The following MTX2 variants were observed in gnomAD, a reference collection of about 807,000 sequenced individuals.
MTX2 encodes the protein metaxin-2.
Under a neutral mutation model 42.3 loss-of-function variants are expected in MTX2, and 35 were observed. The ratio of observed to expected loss-of-function variants is 0.83; its 90% CI spans 0.63 to 1.10. The LOEUF is 1.10. MTX2 is among the 50% of genes least tolerant of loss of function. MTX2 has a pLI of 0.00. For missense variants in MTX2, 307 were observed against 304.1 expected, an observed-to-expected ratio of 1.01 and a Z score of -0.07; for synonymous variants, 119 against 100.9, an observed-to-expected ratio of 1.18 and a Z score of -1.08.
At chr2:176,288,302 C>A (rs1693252844) in intron 1 of MTX2, among the ~76,000 whole-genome samples, 1 of 151,912 alleles carries the variant, frequency 6.6e-6, no homozygotes, top group Non-Finnish European at 1.5e-5. Context: ...TCATATATTG[C>A]CTAAAACTTG....
intron 3 of MTX2, among the ~76,000 whole-genome samples, chr2:176,322,957 A>G (rs1404360215): frequency 6.6e-6 from 1 of 151,896 alleles, no homozygotes; most frequent in Non-Finnish European, 1.5e-5. Flanking sequence ...GGTAGCAGAG[A>G]TAGTATTTTG....
intron 1 of MTX2, among the ~76,000 whole-genome samples, chr2:176,271,021 A>G (rs1311929623): frequency 6.6e-6 from 1 of 151,972 alleles, no homozygotes; most frequent in Non-Finnish European, 1.5e-5. Flanking sequence ...CACTGTGTGC[A>G]TGTGTCCTAA....
intron 4 of MTX2, among the ~76,000 whole-genome samples, chr2:176,324,966 G>C (rs544182380): frequency 6.6e-5 from 10 of 151,762 alleles, no homozygotes; most frequent in Middle Eastern, 3.4e-3. Flanking sequence ...TTTTAAAGCA[G>C]AGAGCATGGA....
chr2:176,296,570 G>T (rs188998299), intron 1 of MTX2, among the ~76,000 whole-genome samples: 144 of 152,128 alleles, frequency 9.5e-4, no homozygotes, highest in African/African-American at 3.1e-3. Flanking sequence ...TAGCATATGA[G>T]CTATTTTGTT....
At chr2:176,271,067 C>T (rs1300958594) in intron 1 of MTX2, among the ~76,000 whole-genome samples, 1 of 152,012 alleles carries the variant, frequency 6.6e-6, no homozygotes, top group Non-Finnish European at 1.5e-5. Flanking sequence ...TGATGAATGT[C>T]TTTTAATAAA....
rs537898148 is a variant in MTX2 at position 176,271,360 on chromosome 2, C to T, written c.40+1691C>T. Among the ~76,000 whole-genome samples the T allele has an allele frequency of 2.6e-5, 4 of 152,184 alleles. No homozygotes were observed. The South Asian group carries it at 8.3e-4, about 32-fold the overall frequency. ...GATAGCAGAAGAGGCCTAAGCAAAA[C>T]TTAAGAATTCATAATCCATAAGAGA... On this transcript the variant is annotated intron_variant, in intron 1 of 9. Coordinates refer to ENST00000249442, the MANE Select transcript of MTX2 (RefSeq NM_006554.5).
chr2:176,281,619 G>A (rs1031614661), intron 1 of MTX2, among the ~76,000 whole-genome samples: 3 of 152,142 alleles, frequency 2.0e-5, no homozygotes, highest in African/African-American at 7.2e-5. Flanking sequence ...AGATTCAAGG[G>A]AAGGGGAATT....
intron 5 of MTX2, among the ~76,000 whole-genome samples, chr2:176,327,472 A>G (rs2105443457): frequency 6.6e-6 from 1 of 150,838 alleles, no homozygotes; most frequent in African/African-American, 2.4e-5. Context: ...ATATGTTTGG[A>G]AATTCTTCCA....
At chr2:176,311,558 C>T (rs982996686) in intron 3 of MTX2, among the ~76,000 whole-genome samples, 2 of 152,158 alleles carry the variant, frequency 1.3e-5, no homozygotes, top group African/African-American at 4.8e-5. Context: ...TGGGCTCCGC[C>T]CAGTTTGAGC....
intron 1 of MTX2, chr2:176,270,333 C>G (rs769127024): frequency 7.4e-7 from 1 of 1,350,060 alleles, no homozygotes; most frequent in Admixed American, 2.0e-5. Context: ...ACCACGCCCG[C>G]GCGGATTCAT....
intron 3 of MTX2, among the ~76,000 whole-genome samples, chr2:176,319,071 A>G (rs756610242): frequency 1.8e-4 from 28 of 152,220 alleles, no homozygotes; most frequent in Non-Finnish European, 3.5e-4. Flanking sequence ...TTATGTTGTT[A>G]TTCATTTAAA....
intron 3 of MTX2, among the ~76,000 whole-genome samples, chr2:176,298,501 G>T (rs1359903469): frequency 2.6e-5 from 4 of 152,050 alleles, no homozygotes; most frequent in South Asian, 2.1e-4. Context: ...ACTTTAAGCT[G>T]CATTATAGGA....
At position 176,330,382 on chromosome 2, in the gene MTX2, T is replaced by C. The variant is rs190474891; in HGVS notation, c.544-202T>C. ...AAGTATTTCTTATAAGTATTTCTTA[T>C]ATAGAAAGTATTTCTTATAAGTATT... On this transcript the variant is annotated intron_variant, in intron 8 of 9. Coordinates refer to ENST00000249442, the MANE Select transcript of MTX2 (RefSeq NM_006554.5). 6.0e-4 allele frequency among the ~76,000 whole-genome samples: 90 copies of C among 149,734 alleles called. 2 individuals are homozygous for C. The highest frequency in any genetic ancestry group is 4.8e-3 in the Admixed American group (72 of 14,946).
intron 1 of MTX2, among the ~76,000 whole-genome samples, chr2:176,292,010 C>T (rs1013309753): frequency 1.7e-4 from 26 of 152,266 alleles, no homozygotes; most frequent in African/African-American, 5.5e-4. Flanking sequence ...ATTCCAAGAA[C>T]CACACATAAC....
At chr2:176,328,966 T>TG in intron 7 of MTX2, 54 bp downstream of exon 7, 1 of 1,474,590 alleles carries the variant, frequency 6.8e-7, no homozygotes, top group Non-Finnish European at 9.4e-7. Flanking sequence ...AAAACACTTT[T>TG]GCTCAGAATC....
intron 3 of MTX2, among the ~76,000 whole-genome samples, chr2:176,298,466 C>T (rs1404707743): frequency 1.3e-5 from 2 of 151,750 alleles, no homozygotes; most frequent in East Asian, 3.9e-4. Context: ...TTTGTATAAT[C>T]CAAAAAAAAT....
At chr2:176,308,788 C>G (rs1684219687) in intron 3 of MTX2, among the ~76,000 whole-genome samples, 1 of 151,964 alleles carries the variant, frequency 6.6e-6, no homozygotes, top group South Asian at 2.1e-4. Context: ...CTCTTTTCTT[C>G]TTTATTAGTC....
rs1432358401 is a variant in MTX2, at chr2:176,328,286, C to A, written c.286-7C>A. 4 of 1,519,640 alleles carry A rather than the reference C, an allele frequency of 2.6e-6. No individual in the cohort carries two copies. Among genetic ancestry groups the A allele is most frequent in the East Asian group, 2.4e-5 (1 of 42,232 alleles). 94.1% of individuals were successfully genotyped at this position (1,519,640 alleles called of 1,614,324 possible). On this transcript the variant is annotated splice_region_variant and splice_polypyrimidine_tract_variant and intron_variant, in intron 5 of 9. Coordinates refer to ENST00000249442, the MANE Select transcript of MTX2 (RefSeq NM_006554.5). ...TGTTCTTTTAAATTTTTTTAAATTC[C>A]CTTTAGGGCCATTCTCTTAGTGATG...
At chr2:176,323,992 AT>A in intron 4 of MTX2, among the ~76,000 whole-genome samples, 1 of 151,668 alleles carries the variant, frequency 6.6e-6, no homozygotes, top group Non-Finnish European at 1.5e-5. Context: ...TTAGCTTCCT[AT>A]TTTTTAAAAT....
Sources: allele counts gnomAD v4.1 joint callset (sites outside exome capture counted in the v4.1 genomes callset), GRCh38; gene constraint gnomAD v4.1.1; transcripts MANE v1.5; gene names NCBI Gene and HGNC (gene_info 2026-07-23, HGNC 2026-07-21).